MYH11: variants seen among roughly 807,000 people sequenced by gnomAD.
The protein encoded by MYH11 is myosin heavy chain 11, also known as myosin-11.
MYH11 carries 80 observed loss-of-function variants against 246.6 expected under a neutral mutation model. That is an observed-to-expected ratio of 0.32 (90% CI 0.27 to 0.39). The LOEUF (loss-of-function observed/expected upper bound fraction) is 0.39. Among genes scored for constraint, MYH11 ranks in the 10% least tolerant of loss-of-function variants. The probability of loss-of-function intolerance (pLI) is 1.00; values close to 1 mark genes in which losing one functional copy is unlikely to be tolerated. For missense variants in MYH11, 2,158 were observed against 2,546.8 expected (o/e 0.85, Z 3.29); for synonymous variants, 1,071 against 1,015.5 (o/e 1.05, Z -1.04).
intron 2 of MYH11, among the ~76,000 whole-genome samples, chr16:15,836,148 A>C (rs758552936): frequency 7.4e-4 from 112 of 152,158 alleles, no homozygotes; most frequent in Admixed American, 2.2e-3. Context: ...AAGGCCTTTC[A>C]GAGAGAAGAC....
At chr16:15,799,246 A>G (rs2042825228) in intron 3 of MYH11, among the ~76,000 whole-genome samples, 1 of 152,162 alleles carries the variant, frequency 6.6e-6, no homozygotes, top group Non-Finnish European at 1.5e-5. Context: ...GGACTGCCTC[A>G]TAAGTACCTT....
chr16:15,765,490 G>A (rs935102924), intron 9 of MYH11, among the ~76,000 whole-genome samples: 11 of 152,198 alleles, frequency 7.2e-5, no homozygotes, highest in Admixed American at 3.9e-4. Flanking sequence ...ATGGTAGATG[G>A]ATGAATGGAT....
At chr16:15,748,992 TAG>T (rs2041494550) in intron 16 of MYH11, among the ~76,000 whole-genome samples, 2 of 151,676 alleles carry the variant, frequency 1.3e-5, no homozygotes, top group Non-Finnish European at 2.9e-5. Context: ...ATGGCATGCC[TAG>T]AGAGAGAAGG....
intron 36 of MYH11, chr16:15,718,877 C>T (rs776175944): frequency 2.9e-5 from 12 of 414,924 alleles, no homozygotes; most frequent in Non-Finnish European, 5.0e-5. Flanking sequence ...CCTGTAATCA[C>T]AGCACTTTGG....
intron 6 of MYH11, among the ~76,000 whole-genome samples, chr16:15,782,088 C>A (rs970771853): frequency 6.6e-6 from 1 of 151,926 alleles, no homozygotes; most frequent in African/African-American, 2.4e-5. Flanking sequence ...GCTTTGTTGC[C>A]CAGGCTGGTC....
At chr16:15,756,581 G>A in intron 13 of MYH11, 67 bp from the exon 14 acceptor site, 1 of 1,558,764 alleles carries the variant, frequency 6.4e-7, no homozygotes. Flanking sequence ...TGAAGAGCTG[G>A]CCAACTATAC....
intron 7 of MYH11, 32 bp from the exon 8 acceptor site, chr16:15,776,208 T>C: frequency 2.1e-6 from 3 of 1,461,826 alleles, no homozygotes; most frequent in Non-Finnish European, 2.9e-6. Flanking sequence ...ATTCTGGGGA[T>C]ACTGCGGGTG....
chr16:15,744,328 G>C (rs950225102), intron 20 of MYH11, among the ~76,000 whole-genome samples: 1 of 151,968 alleles, frequency 6.6e-6, no homozygotes, highest in Non-Finnish European at 1.5e-5. Flanking sequence ...CTGAGTAGCT[G>C]TGACTACAGG....
intron 3 of MYH11, among the ~76,000 whole-genome samples, chr16:15,803,261 A>C (rs894649331): frequency 2.0e-5 from 3 of 150,024 alleles, no homozygotes; most frequent in Non-Finnish European, 4.4e-5. Context: ...GACAGAGCAA[A>C]ATGGGAAACC....
Position 15,762,647 on chromosome 16 carries a change from C to A in MYH11, c.1129+1149G>T, listed in dbSNP as rs190610595. Among the ~76,000 whole-genome samples the A allele has an allele frequency of 2.7e-3, 405 of 152,222 alleles. 3 individuals carry two copies. The highest frequency in any genetic ancestry group is 6.8e-3 in the Middle Eastern group (2 of 294). On this transcript the variant is annotated intron_variant, in intron 10 of 40. Transcript: ENST00000300036. ...TCATCTCTGACCCAACCAATCAGCA[C>A]CCCCAACTCACTGGCCTCCCCCTAA...
intron 20 of MYH11, 71 bp downstream of exon 20, chr16:15,745,058 A>T (rs374052568): frequency 8.3e-7 from 1 of 1,209,206 alleles, no homozygotes. Flanking sequence ...TCCTGTCCCA[A>T]ATGTGAAGGC....
At position 15,782,710 on chromosome 16, in the gene MYH11, T is replaced by C; in HGVS notation, c.634-233A>G. On this transcript the variant is annotated intron_variant, in intron 5 of 40. Coordinates refer to ENST00000300036, the MANE Select transcript of MYH11 (RefSeq NM_002474.3). ...TCTGCTCCCTAGGAAGGTCACTTTT[T>C]TCAAGACCAGGGCCTGCTCATCTGT... 1.7e-5 allele frequency: 9 copies of C among 520,842 alleles called. No homozygotes were observed. The South Asian group carries it at 1.9e-4, about 11-fold the overall frequency. 32.3% of individuals were successfully genotyped at this position (520,842 alleles called of 1,614,324 possible).
intron 31 of MYH11, among the ~76,000 whole-genome samples, chr16:15,722,945 T>C (rs1051194155): frequency 2.6e-5 from 4 of 152,096 alleles, no homozygotes; most frequent in African/African-American, 4.8e-5. Flanking sequence ...AGTTGCACGA[T>C]GTTGGCCAGG....
chr16:15,784,828 C>A, intron 5 of MYH11: 2 of 1,186,114 alleles, frequency 1.7e-6, no homozygotes, highest in South Asian at 1.3e-5. Context: ...CCTGGAGTCT[C>A]CCAGACAGAC....
Position 15,771,627 on chromosome 16 carries a change from C to T in MYH11, c.975G>A (p.Met325Ile). 6.2e-7 allele frequency: 1 copy of T among 1,614,020 alleles called. No homozygotes were observed. Among genetic ancestry groups the T allele is most frequent in the Admixed American group, 1.7e-5 (1 of 59,998 alleles). The stretch of plus-strand genomic sequence containing the variant: ...CCATGGCCTCCACGGTTTCCTGGAA[C>T]ATCTCATCATCCTGGGCTGCTGGGA... ...VPIPAAQDDE[M>I]FQETVEAMAI... Residue 325 changes from methionine (M) to isoleucine (I), a missense_variant, in exon 9 of 41, where the codon ATG becomes ATA. Met to Ile is a conservative substitution (Grantham distance 10, BLOSUM62 1). Coordinates refer to ENST00000300036, the MANE Select transcript of MYH11 (RefSeq NM_002474.3).
At chr16:15,807,914 G>T (rs2043052134) in intron 3 of MYH11, among the ~76,000 whole-genome samples, 1 of 152,220 alleles carries the variant, frequency 6.6e-6, no homozygotes, top group Non-Finnish European at 1.5e-5. Context: ...CAAGCTGGTG[G>T]ATTCTGTCTG....
chr16:15,756,535 T>C (rs779811879), intron 13 of MYH11, 21 bp from the exon 14 acceptor site: 5 of 1,614,080 alleles, frequency 3.1e-6, no homozygotes, highest in Non-Finnish European at 3.4e-6. Flanking sequence ...CAAGTAGGGC[T>C]TGAATCAGAG....
At chr16:15,706,009 A>T (rs1327416478) in intron 40 of MYH11, among the ~76,000 whole-genome samples, 1 of 151,354 alleles carries the variant, frequency 6.6e-6, no homozygotes, top group Non-Finnish European at 1.5e-5. Flanking sequence ...AAAAAAATCA[A>T]GGCCCAGAGA....
At chr16:15,849,178 T>C (rs1469883944) in intron 1 of MYH11, among the ~76,000 whole-genome samples, 3 of 152,148 alleles carry the variant, frequency 2.0e-5, no homozygotes, top group Non-Finnish European at 4.4e-5. Context: ...TCCTCCCACC[T>C]CAGGTGTGGG....
Sources: gnomAD v4.1 joint callset for allele counts (sites outside exome capture counted in the v4.1 genomes callset) on GRCh38, gnomAD v4.1.1 for gene constraint, MANE v1.5 for transcripts, NCBI Gene and HGNC (gene_info 2026-07-23, HGNC 2026-07-21) for gene names.